GRM4: variants seen among roughly 807,000 people sequenced by gnomAD.
GRM4 encodes the protein glutamate metabotropic receptor 4.
Under a neutral mutation model 81.7 loss-of-function variants are expected in GRM4, and 28 were observed. That is an observed-to-expected ratio of 0.34 (90% CI 0.25 to 0.47). GRM4 has a LOEUF of 0.47. GRM4 is among the 20% of genes least tolerant of loss of function. GRM4 has a pLI of 1.00. For synonymous variants in GRM4, 488 were observed against 528.8 expected (o/e 0.92, Z 1.06); for missense variants, 948 against 1,290.0 (o/e 0.73, Z 4.06).
chr6:34,024,327 T>G (rs1764029706), intron 10 of GRM4: 2 of 216,918 alleles, frequency 9.2e-6, no homozygotes, highest in African/African-American at 4.5e-5. Flanking sequence ...TTCCCTTCCA[T>G]GAGCAGAACA....
intron 6 of GRM4, among the ~76,000 whole-genome samples, chr6:34,045,493 C>T (rs1027980896): frequency 6.6e-6 from 1 of 152,208 alleles, no homozygotes; most frequent in Admixed American, 6.5e-5. Flanking sequence ...GGAGCTAGCT[C>T]GGAAGTGGTG....
At chr6:34,075,504 G>A (rs1429944148) in intron 3 of GRM4, among the ~76,000 whole-genome samples, 3 of 152,104 alleles carry the variant, frequency 2.0e-5, no homozygotes, top group African/African-American at 7.2e-5. Context: ...AAATATCCCA[G>A]CCCTTTCCTG....
rs1278510615 is a variant in GRM4 at position 34,035,953 on chromosome 6, C to T, written c.2157G>A (p.Val719=). Residue 719 remains valine, a synonymous_variant, in exon 9 of 11, where the codon GTG becomes GTA. Transcript: ENST00000538487. The surrounding 1 kb of genome is among the most constrained non-coding windows in gnomAD (Gnocchi z 6.6). The part of the protein sequence containing the change: ...LQLLGICVWF[V]VDPSHSVVDF... ...CCACCACCGAGTGGGAGGGGTCCAC[C>T]ACAAACCACACACAGATGCCCAGCA... The T allele has an allele frequency of 1.2e-6, 2 of 1,613,258 alleles. No individual in the cohort carries two copies. Among genetic ancestry groups the T allele is most frequent in the Non-Finnish European group, 1.7e-6 (2 of 1,179,308 alleles).
At chr6:34,088,449 A>T (rs1277718674) in intron 3 of GRM4, among the ~76,000 whole-genome samples, 1 of 152,096 alleles carries the variant, frequency 6.6e-6, no homozygotes, top group Non-Finnish European at 1.5e-5. Flanking sequence ...ACCTTGCTTT[A>T]TTCCCATTTC....
In GRM4 at chr6:34,068,538, C is replaced by G. The variant is rs957883476; in HGVS notation, c.737-6510G>C. On this transcript the variant is annotated intron_variant, in intron 3 of 10. Transcript: ENST00000538487. This position sits in a 1 kb window ranked among gnomAD's most constrained non-coding sequence, Gnocchi z 4.2. ...CCTGGCATGGCTCTCCCCACCCCAC[C>G]TGTCTCAAAAAGTCCCCCCTCCATC... Among the ~76,000 whole-genome samples the G allele has an allele frequency of 2.6e-5, 4 of 152,108 alleles. No homozygotes were observed. Among genetic ancestry groups the G allele is most frequent in the Non-Finnish European group, 5.9e-5 (4 of 68,008 alleles).
At chr6:34,095,383 G>T (rs913698178) in intron 2 of GRM4, among the ~76,000 whole-genome samples, 1 of 152,158 alleles carries the variant, frequency 6.6e-6, no homozygotes, top group Non-Finnish European at 1.5e-5. Flanking sequence ...GTTTCAAGCA[G>T]ACTTTGGGGA....
intron 2 of GRM4, among the ~76,000 whole-genome samples, chr6:34,124,755 T>G (rs1769956158): frequency 6.6e-6 from 1 of 152,088 alleles, no homozygotes; most frequent in Non-Finnish European, 1.5e-5. Flanking sequence ...AATGAACAAA[T>G]AAATGCATGA....
At chr6:34,037,822 C>T (rs1007556122) in intron 8 of GRM4, among the ~76,000 whole-genome samples, 1 of 142,648 alleles carries the variant, frequency 7.0e-6, no homozygotes, top group Non-Finnish European at 1.5e-5. Flanking sequence ...AAGATCATGC[C>T]ACTGCGCTCC....
intron 9 of GRM4, among the ~76,000 whole-genome samples, chr6:34,032,148 A>G (rs902242400): frequency 1.3e-5 from 2 of 152,096 alleles, no homozygotes; most frequent in Non-Finnish European, 2.9e-5. Context: ...TGCTCAGCCT[A>G]CACATCCATA....
intron 10 of GRM4, among the ~76,000 whole-genome samples, chr6:34,026,488 G>A (rs1764138608): frequency 6.6e-6 from 1 of 152,134 alleles, no homozygotes; most frequent in Admixed American, 6.5e-5. Flanking sequence ...AGACCCCTCG[G>A]TCCCTCCCAA....
chr6:34,044,603 GACAT>G (rs1320530993), intron 6 of GRM4, among the ~76,000 whole-genome samples: 9 of 125,000 alleles, frequency 7.2e-5, no homozygotes, highest in Non-Finnish European at 1.0e-4. Flanking sequence ...CACACACATA[GACAT>G]ACATACATAC....
chr6:34,154,566 G>A (rs1771108324), intron 1 of GRM4, among the ~76,000 whole-genome samples: 1 of 150,462 alleles, frequency 6.6e-6, no homozygotes, highest in Non-Finnish European at 1.5e-5. Context: ...CAGATGGGAG[G>A]TTAGATGGAC....
chr6:34,154,590 TACACACACAC>T (rs57603011), intron 1 of GRM4, among the ~76,000 whole-genome samples: 58,326 of 145,006 alleles, frequency 0.4, 13,047 homozygotes, highest in Non-Finnish European at 0.51. Context: ...TGGTCCTGAC[TACACACACAC>T]ACACACACAC....
chr6:34,102,168 A>G, intron 2 of GRM4: 1 of 1,534,726 alleles, frequency 6.5e-7, no homozygotes, highest in South Asian at 1.2e-5. Context: ...TGCAGGGGAC[A>G]GGAGCAATAA....
At chr6:34,079,933 C>G (rs1767500919) in intron 3 of GRM4, among the ~76,000 whole-genome samples, 1 of 152,194 alleles carries the variant, frequency 6.6e-6, no homozygotes, top group Middle Eastern at 3.2e-3. Flanking sequence ...GGATCTCGAC[C>G]CTCCTCTGCT....
At position 34,136,374 on chromosome 6, in the gene GRM4, A is replaced by G. The variant is rs1770453972; in HGVS notation, c.-363-2515T>C. 6.6e-6 allele frequency among the ~76,000 whole-genome samples: 1 copy of G among 151,926 alleles called. No homozygotes were observed. The highest frequency in any genetic ancestry group is 1.9e-4 in the East Asian group (1 of 5,154). On this transcript the variant is annotated intron_variant, in intron 1 of 10. Transcript: ENST00000538487. This position sits in a 1 kb window ranked among gnomAD's most constrained non-coding sequence, Gnocchi z 4.1. ...ATCGGTTTCCATGAATTTCAAACAG[A>G]GGGCTTTTTGGCATCATGACAGGCT...
At chr6:34,079,723 C>T (rs569988249) in intron 3 of GRM4, among the ~76,000 whole-genome samples, 3 of 152,258 alleles carry the variant, frequency 2.0e-5, no homozygotes, top group Admixed American at 6.5e-5. Flanking sequence ...TGCCTGGCCC[C>T]GCAACCCCTC....
upstream of GRM4, chr6:34,146,203 A>T (rs1770925418): frequency 1.1e-6 from 1 of 922,614 alleles, no homozygotes; most frequent in Non-Finnish European, 1.3e-6. Context: ...TGCACACCCC[A>T]CTGCTCCTGA....
At chr6:34,091,365 C>T (rs1768198912) in intron 3 of GRM4, among the ~76,000 whole-genome samples, 1 of 152,120 alleles carries the variant, frequency 6.6e-6, no homozygotes, top group Non-Finnish European at 1.5e-5. Context: ...TAAATACTTG[C>T]CAGAGTTCCT....
Sources: gnomAD v4.1 joint callset for allele counts (sites outside exome capture counted in the v4.1 genomes callset) on GRCh38, gnomAD v4.1.1 for gene constraint, Gnocchi (gnomAD v3.1) non-coding constraint, MANE v1.5 for transcripts, NCBI Gene and HGNC (gene_info 2026-07-23, HGNC 2026-07-21) for gene names.